The following DNAH6 variants were observed in gnomAD, a reference collection of about 807,000 sequenced individuals.
DNAH6 encodes dynein axonemal heavy chain 6, also known as axonemal beta dynein heavy chain 6.
Under a neutral mutation model 491.4 loss-of-function variants are expected in DNAH6, and 340 were observed. The observed-to-expected ratio is 0.69, with a 90% confidence interval of 0.63 to 0.76. The LOEUF is 0.76. Among genes scored for constraint, DNAH6 ranks in the 30% least tolerant of loss-of-function variants. The pLI, the probability that DNAH6 is intolerant of heterozygous loss-of-function variation, is 0.00. For missense variants in DNAH6, 4,443 were observed against 4,972.2 expected (o/e 0.89, Z 3.20); for synonymous variants, 1,603 against 1,686.1 (o/e 0.95, Z 1.21).
At chr2:84,473,668 A>G in the DNAH6 span, among the ~76,000 whole-genome samples, 2 of 152,214 alleles carry the variant, frequency 1.3e-5, no homozygotes, top group Admixed American at 1.3e-4. Context: ...ATGTCTCCTA[A>G]TAATTTTTGG....
the DNAH6 span, among the ~76,000 whole-genome samples, chr2:84,466,630 T>C: frequency 6.6e-6 from 1 of 152,256 alleles, no homozygotes; most frequent in East Asian, 1.9e-4. Flanking sequence ...TTAATAGTTA[T>C]GAACATTATA....
chr2:84,640,789 G>T (rs202247134), intron 32 of DNAH6, among the ~76,000 whole-genome samples: 2 of 152,148 alleles, frequency 1.3e-5, no homozygotes, highest in East Asian at 3.8e-4. Flanking sequence ...TCCTAACATG[G>T]TTGTCCTCGA....
At chr2:84,553,362 TTCTTTTCTTTC>T (rs1438204882) in intron 10 of DNAH6, among the ~76,000 whole-genome samples, 1,164 of 17,326 alleles carry the variant, frequency 0.067, 19 homozygotes, top group Non-Finnish European at 0.08. Flanking sequence ...TTCTTTTCTT[TTCTTTTCTTTC>T]TTTCTTTCTT....
intron 4 of DNAH6, among the ~76,000 whole-genome samples, chr2:84,537,121 A>C (rs1438260627): frequency 6.6e-6 from 1 of 152,044 alleles, no homozygotes; most frequent in Admixed American, 6.6e-5. Context: ...CCTGCATAAG[A>C]ATCTGACCTT....
rs539169542 is a variant in DNAH6, at chr2:84,707,538, C to T, written c.8870C>T (p.Thr2957Ile). ...TTTCTAGCAAAGACCATGGCCCTGA[C>T]AAAAGCACGTCTAGTACGTGCTGGA... Reference protein sequence around the residue: ...KESLAKTMALTKARLVRAGKL... With the variant: ...KESLAKTMALIKARLVRAGKL... Residue 2957 changes from threonine to isoleucine, a missense_variant, in exon 54 of 77, where the codon ACA becomes ATA. Thr to Ile is a moderately conservative substitution (Grantham distance 89). Coordinates refer to ENST00000389394, the MANE Select transcript of DNAH6 (RefSeq NM_001370.2). 6.4e-7 allele frequency: 1 copy of T among 1,551,134 alleles called. No homozygotes were observed. Among genetic ancestry groups the T allele is most frequent in the Non-Finnish European group, 8.7e-7 (1 of 1,146,644 alleles).
chr2:84,701,411 T>C, intron 49 of DNAH6, 72 bp downstream of exon 49: 5 of 1,437,848 alleles, frequency 3.5e-6, no homozygotes, highest in Non-Finnish European at 4.7e-6. Context: ...ATGGAAACTC[T>C]ATGCACTGTC....
intron 21 of DNAH6, among the ~76,000 whole-genome samples, chr2:84,607,659 A>G (rs1325838722): frequency 6.6e-6 from 1 of 152,186 alleles, no homozygotes; most frequent in Non-Finnish European, 1.5e-5. Flanking sequence ...TATTTTTTAA[A>G]AGTTATGTTT....
chr2:84,695,016 G>A (rs1273436148), intron 46 of DNAH6, among the ~76,000 whole-genome samples: 1 of 151,912 alleles, frequency 6.6e-6, no homozygotes, highest in Admixed American at 6.6e-5. Flanking sequence ...ATTAGCCAAC[G>A]AATAAAAAAG....
At chr2:84,771,365 A>G (rs1165691303) in intron 64 of DNAH6, among the ~76,000 whole-genome samples, 1 of 152,138 alleles carries the variant, frequency 6.6e-6, no homozygotes, top group Admixed American at 6.5e-5. Flanking sequence ...ACATACACTA[A>G]TGGAAATCTG....
At chr2:84,577,540 T>G in intron 13 of DNAH6, 132 bp downstream of exon 13, 1 of 657,104 alleles carries the variant, frequency 1.5e-6, no homozygotes, top group Non-Finnish European at 2.3e-6. Context: ...TTGGACATCC[T>G]TAATTTCTAA....
At chr2:84,522,378 G>A (rs1443698359) in intron 2 of DNAH6, among the ~76,000 whole-genome samples, 2 of 152,126 alleles carry the variant, frequency 1.3e-5, no homozygotes, top group Non-Finnish European at 2.9e-5. Flanking sequence ...CTTTTGGGCA[G>A]ACTATGGGGT....
intron 47 of DNAH6, among the ~76,000 whole-genome samples, chr2:84,698,775 C>T (rs1047540849): frequency 2.6e-5 from 4 of 152,118 alleles, no homozygotes; most frequent in East Asian, 1.9e-4. Context: ...AGCAAAGACA[C>T]GGAACCAACT....
the DNAH6 span, among the ~76,000 whole-genome samples, chr2:84,507,357 GCTCT>G: frequency 6.6e-6 from 1 of 152,086 alleles, no homozygotes; most frequent in Admixed American, 6.5e-5. Flanking sequence ...TCAAGATTTG[GCTCT>G]CTGTTTGTCT....
chr2:84,707,798 A>G, intron 54 of DNAH6, 82 bp downstream of exon 54: 1 of 1,042,824 alleles, frequency 9.6e-7, no homozygotes, highest in Non-Finnish European at 1.4e-6. Flanking sequence ...CTGAGTTCAG[A>G]TGGAGGCTCT....
At chr2:84,814,145 G>A in intron 75 of DNAH6, 23 bp downstream of exon 75, 1 of 1,547,410 alleles carries the variant, frequency 6.5e-7, no homozygotes, top group Non-Finnish European at 8.7e-7. Flanking sequence ...TGGCTGTTAT[G>A]GCAAAGCAGC....
chr2:84,703,959 T>C, intron 50 of DNAH6, 108 bp from the exon 51 acceptor site: 1 of 815,378 alleles, frequency 1.2e-6, no homozygotes, highest in Non-Finnish European at 1.9e-6. Context: ...TTCCCTTTCA[T>C]CATTATTCTA....
chr2:84,689,711 A>T (rs1428556564), intron 45 of DNAH6, among the ~76,000 whole-genome samples: 1 of 152,180 alleles, frequency 6.6e-6, no homozygotes, highest in Non-Finnish European at 1.5e-5. Flanking sequence ...CTCTTGATGG[A>T]ATCAAAGAGC....
At chr2:84,777,016 G>A (rs984898014) in intron 64 of DNAH6, among the ~76,000 whole-genome samples, 2 of 152,142 alleles carry the variant, frequency 1.3e-5, no homozygotes, top group Admixed American at 1.3e-4. Context: ...AACACCGCAT[G>A]TTCTCACTCA....
intron 38 of DNAH6, 45 bp downstream of exon 38, chr2:84,669,555 G>GCTC: frequency 6.9e-7 from 1 of 1,455,672 alleles, no homozygotes; most frequent in Non-Finnish European, 9.4e-7. Context: ...AAATGTGAGG[G>GCTC]CATGATGGAC....
Sources: allele counts gnomAD v4.1 joint callset (sites outside exome capture counted in the v4.1 genomes callset), GRCh38; gene constraint gnomAD v4.1.1; transcripts MANE v1.5; gene names NCBI Gene and HGNC (gene_info 2026-07-23, HGNC 2026-07-21).